The following TTLL9 variants were observed in gnomAD, a reference collection of about 807,000 sequenced individuals.
TTLL9 encodes probable tubulin polyglutamylase TTLL9.
In TTLL9, 47 loss-of-function variants were observed where a neutral mutation model predicts 65.6. The ratio of observed to expected loss-of-function variants is 0.72; its 90% CI spans 0.57 to 0.91. The LOEUF is 0.91. Ranked by LOEUF, TTLL9 falls within the 40% of genes least tolerant of loss-of-function variation. The pLI is 0.00. For missense variants in TTLL9, 537 were observed against 568.8 expected (o/e 0.94, Z 0.57); for synonymous variants, 179 against 204.8 (o/e 0.87, Z 1.07).
rs2123664571 is a variant in TTLL9 at position 31,943,056 on chromosome 20, G to A, written c.*35G>A. On this transcript the variant is annotated 3_prime_UTR_variant, in exon 15 of 15. Transcript: ENST00000535842. ...GCCAGGAGGAAATCAGCCTTAGCAGGTGCCACCCAGGCCTCCCCCCCACTC... is the reference window on the plus strand; with the variant it reads ...GCCAGGAGGAAATCAGCCTTAGCAGATGCCACCCAGGCCTCCCCCCCACTC... The A allele has an allele frequency of 6.3e-7, 1 of 1,598,936 alleles. No homozygotes were observed. The highest frequency in any genetic ancestry group is 1.7e-5 in the Admixed American group (1 of 59,996).
chr20:31,934,067 A>G (rs2064064459), intron 11 of TTLL9, among the ~76,000 whole-genome samples: 1 of 152,298 alleles, frequency 6.6e-6, no homozygotes, highest in East Asian at 1.9e-4. Context: ...AAAGTTGCAA[A>G]TCACACTAAC....
intron 3 of TTLL9, 78 bp from the exon 4 acceptor site, chr20:31,898,395 T>G (rs1262325621): frequency 7.8e-7 from 1 of 1,286,544 alleles, no homozygotes; most frequent in Middle Eastern, 1.8e-4. Flanking sequence ...TGACTTCTCT[T>G]CCTCCTTTTT....
chr20:31,916,606 C>CT (rs924412218), intron 6 of TTLL9, among the ~76,000 whole-genome samples: 20 of 152,144 alleles, frequency 1.3e-4, no homozygotes, highest in African/African-American at 4.8e-4. Flanking sequence ...TGGGGATGTG[C>CT]TAGATGATGC....
intron 2 of TTLL9, among the ~76,000 whole-genome samples, chr20:31,874,195 AT>A (rs1278602468): frequency 6.6e-6 from 1 of 152,218 alleles, no homozygotes; most frequent in Non-Finnish European, 1.5e-5. Flanking sequence ...TGAAATGACC[AT>A]TTTACAAAAC....
intron 2 of TTLL9, chr20:31,873,141 G>C: frequency 2.4e-6 from 1 of 419,842 alleles, no homozygotes; most frequent in South Asian, 1.7e-5. Context: ...GCAGCTGAAA[G>C]GACTTGCAGA....
At chr20:31,889,978 CTTTCTTTCTT>C (rs1568751698) in intron 3 of TTLL9, among the ~76,000 whole-genome samples, 36 of 60,876 alleles carry the variant, frequency 5.9e-4, no homozygotes, top group African/African-American at 3.1e-3. Context: ...CTCTCTCTTT[CTTTCTTTCTT>C]TCTTTCTTTC....
At chr20:31,932,606 G>A (rs1185309999) in intron 10 of TTLL9, among the ~76,000 whole-genome samples, 1 of 152,092 alleles carries the variant, frequency 6.6e-6, no homozygotes, top group Non-Finnish European at 1.5e-5. Context: ...ATACATTTAG[G>A]GGAATTAGAC....
chr20:31,932,471 CAAAA>C (rs58783829), intron 10 of TTLL9, among the ~76,000 whole-genome samples: 1 of 86,482 alleles, frequency 1.2e-5, no homozygotes, highest in Non-Finnish European at 2.2e-5. Context: ...GACCCTGTCT[CAAAA>C]AAAAAAAAAA....
chr20:31,884,940 G>A (rs985890611), intron 2 of TTLL9, among the ~76,000 whole-genome samples: 4 of 151,998 alleles, frequency 2.6e-5, no homozygotes, highest in Admixed American at 1.3e-4. Flanking sequence ...GGTAGAAAAC[G>A]AAATTTAAAA....
At chr20:31,874,532 C>T (rs555333296) in intron 2 of TTLL9, among the ~76,000 whole-genome samples, 125 of 152,012 alleles carry the variant, frequency 8.2e-4, no homozygotes, top group African/African-American at 2.8e-3. Context: ...CTGCCTCAGC[C>T]TCAAGAGCAG....
At chr20:31,879,051 A>G (rs1038979334) in intron 2 of TTLL9, among the ~76,000 whole-genome samples, 8 of 152,340 alleles carry the variant, frequency 5.3e-5, no homozygotes, top group Admixed American at 4.6e-4. Context: ...GGCCGGGTGC[A>G]GTGGCTCACG....
At chr20:31,890,265 T>G (rs2063289682) in intron 3 of TTLL9, among the ~76,000 whole-genome samples, 1 of 150,808 alleles carries the variant, frequency 6.6e-6, no homozygotes, top group Admixed American at 6.7e-5. Flanking sequence ...GTCTTATGTT[T>G]CTATCTTATT....
At chr20:31,890,199 T>C (rs1196037546) in intron 3 of TTLL9, among the ~76,000 whole-genome samples, 2 of 136,304 alleles carry the variant, frequency 1.5e-5, no homozygotes, top group African/African-American at 2.8e-5. Flanking sequence ...CTTTCTTTCT[T>C]TCTCTTTCTT....
intron 4 of TTLL9, among the ~76,000 whole-genome samples, chr20:31,908,147 G>C (rs958759707): frequency 6.6e-6 from 1 of 152,216 alleles, no homozygotes; most frequent in Non-Finnish European, 1.5e-5. Flanking sequence ...AGTGAGTGGA[G>C]AGTTTTGTGA....
chr20:31,915,748 G>C (rs2063725043), intron 6 of TTLL9, among the ~76,000 whole-genome samples: 1 of 152,142 alleles, frequency 6.6e-6, no homozygotes, highest in Non-Finnish European at 1.5e-5. Flanking sequence ...TTATGTCAAA[G>C]GGTGTGTGTT....
chr20:31,910,125 T>C (rs1418000793), intron 6 of TTLL9, among the ~76,000 whole-genome samples: 3 of 152,230 alleles, frequency 2.0e-5, no homozygotes, highest in Admixed American at 6.5e-5. Flanking sequence ...TGAGTGTTTA[T>C]TGAATGCACA....
chr20:31,899,625 C>A (rs1015214765), intron 4 of TTLL9, among the ~76,000 whole-genome samples: 5 of 150,358 alleles, frequency 3.3e-5, no homozygotes, highest in African/African-American at 7.4e-5. Context: ...CAGAGCGAGA[C>A]CCTGACTCAA....
At chr20:31,880,423 A>G (rs114405231) in intron 2 of TTLL9, among the ~76,000 whole-genome samples, 1,744 of 152,214 alleles carry the variant, frequency 0.011, 33 homozygotes, top group African/African-American at 0.04. Flanking sequence ...CTCCCATTTT[A>G]AGAATGGGAA....
intron 6 of TTLL9, among the ~76,000 whole-genome samples, chr20:31,914,402 C>T (rs1324024314): frequency 1.3e-5 from 2 of 152,016 alleles, no homozygotes; most frequent in South Asian, 2.1e-4. Flanking sequence ...ACAAGCTGTG[C>T]GTATTTAATG....
Sources: allele counts gnomAD v4.1 joint callset (sites outside exome capture counted in the v4.1 genomes callset), GRCh38; gene constraint gnomAD v4.1.1; transcripts MANE v1.5; gene names NCBI Gene and HGNC (gene_info 2026-07-23, HGNC 2026-07-21).